Variants in IMPG1 observed in about 807,000 individuals in gnomAD.
The protein encoded by IMPG1 is interphotoreceptor matrix proteoglycan 1.
In IMPG1, 85 loss-of-function variants were observed where a neutral mutation model predicts 92.0. The ratio of observed to expected loss-of-function variants is 0.92; its 90% CI spans 0.78 to 1.11. The LOEUF is 1.11. Ranked by LOEUF, IMPG1 falls within the 50% of genes least tolerant of loss-of-function variation. The pLI is 0.00. For synonymous variants in IMPG1, 367 were observed against 334.1 expected, an observed-to-expected ratio of 1.10 and a Z score of -1.08; for missense variants, 1,022 against 956.0, an observed-to-expected ratio of 1.07 and a Z score of -0.91.
intron 12 of IMPG1, among the ~76,000 whole-genome samples, chr6:75,996,748 G>T (rs1290914599): frequency 1.3e-5 from 2 of 152,112 alleles, no homozygotes; most frequent in Non-Finnish European, 2.9e-5. Flanking sequence ...TTGGTGACTG[G>T]GTGGTGCTGC....
At chr6:76,064,611 G>A (rs980446150) in intron 1 of IMPG1, among the ~76,000 whole-genome samples, 1 of 152,082 alleles carries the variant, frequency 6.6e-6, no homozygotes, top group Non-Finnish European at 1.5e-5. Flanking sequence ...CCTGCCATTG[G>A]GGTATCCAAG....
chr6:76,018,457 A>C (rs980913704), intron 7 of IMPG1, among the ~76,000 whole-genome samples: 3 of 152,232 alleles, frequency 2.0e-5, no homozygotes, highest in African/African-American at 7.2e-5. Flanking sequence ...TATGGTTGAC[A>C]GGGTAACCGA....
chr6:76,020,892 G>A (rs991561180), intron 6 of IMPG1, among the ~76,000 whole-genome samples: 2 of 152,142 alleles, frequency 1.3e-5, no homozygotes, highest in Non-Finnish European at 2.9e-5. Context: ...AAATCAACTT[G>A]TTTTTACTCC....
chr6:76,063,582 A>G (rs1784246945), intron 1 of IMPG1, among the ~76,000 whole-genome samples: 1 of 152,182 alleles, frequency 6.6e-6, no homozygotes, highest in African/African-American at 2.4e-5. Flanking sequence ...GTATACCAGC[A>G]TGTACAGGGT....
At chr6:75,990,706 A>G (rs868697023) in intron 12 of IMPG1, among the ~76,000 whole-genome samples, 2 of 152,216 alleles carry the variant, frequency 1.3e-5, no homozygotes, top group Middle Eastern at 6.8e-3. Context: ...GTGCATAACA[A>G]TTCCAGAAGG....
chr6:76,018,216 A>G (rs1032379626), intron 7 of IMPG1, among the ~76,000 whole-genome samples: 4 of 152,212 alleles, frequency 2.6e-5, no homozygotes, highest in African/African-American at 9.6e-5. Flanking sequence ...TTTAATTTAT[A>G]AATTAGGCAC....
chr6:75,939,638 T>A (rs916671545), intron 14 of IMPG1, among the ~76,000 whole-genome samples: 2 of 152,216 alleles, frequency 1.3e-5, no homozygotes, highest in Non-Finnish European at 2.9e-5. Context: ...CTTACAGCAG[T>A]TAGTTAAAAG....
chr6:75,941,215 C>T (rs1269951188), intron 14 of IMPG1, among the ~76,000 whole-genome samples: 2 of 152,090 alleles, frequency 1.3e-5, no homozygotes, highest in Non-Finnish European at 2.9e-5. Context: ...GAACAGGTAC[C>T]CAAATCATGA....
chr6:76,010,870 A>G (rs1783171414), intron 8 of IMPG1, among the ~76,000 whole-genome samples: 1 of 152,216 alleles, frequency 6.6e-6, no homozygotes, highest in Non-Finnish European at 1.5e-5. Flanking sequence ...GTATTTTCCT[A>G]AGAAGCTCAT....
chr6:76,016,030 T>G (rs1043373716), intron 7 of IMPG1, among the ~76,000 whole-genome samples: 5 of 152,064 alleles, frequency 3.3e-5, no homozygotes, highest in African/African-American at 1.2e-4. Flanking sequence ...CAGTTACCTC[T>G]TACAAAAAGA....
intron 12 of IMPG1, among the ~76,000 whole-genome samples, chr6:75,961,296 C>A (rs539580053): frequency 6.6e-6 from 1 of 152,276 alleles, no homozygotes; most frequent in East Asian, 1.9e-4. Context: ...GCATGACCAG[C>A]AAATTCTTAA....
intron 1 of IMPG1, among the ~76,000 whole-genome samples, chr6:76,064,529 C>G (rs1028324492): frequency 6.6e-6 from 1 of 152,084 alleles, no homozygotes; most frequent in Non-Finnish European, 1.5e-5. Context: ...GTAGCTCCCT[C>G]TCCTCACTGG....
At chr6:75,935,991 G>C (rs182289379) in intron 14 of IMPG1, among the ~76,000 whole-genome samples, 77 of 152,310 alleles carry the variant, frequency 5.1e-4, no homozygotes, top group African/African-American at 1.8e-3. Flanking sequence ...GTTCATCTGA[G>C]ATGTTACACA....
chr6:75,965,933 G>GT (rs1288821968), intron 12 of IMPG1, among the ~76,000 whole-genome samples: 1 of 152,056 alleles, frequency 6.6e-6, no homozygotes, highest in African/African-American at 2.4e-5. Flanking sequence ...CCAGATATAT[G>GT]TTTGCAAAGA....
chr6:75,925,405 C>G (rs1473226026), intron 15 of IMPG1, among the ~76,000 whole-genome samples: 1 of 151,872 alleles, frequency 6.6e-6, no homozygotes, highest in Non-Finnish European at 1.5e-5. Context: ...TATATATTCC[C>G]TTATTCAACT....
chr6:76,043,067 A>G (rs1033322831), intron 1 of IMPG1, among the ~76,000 whole-genome samples: 15 of 152,246 alleles, frequency 9.9e-5, no homozygotes, highest in African/African-American at 3.4e-4. Context: ...TGTGAAAGAA[A>G]GACCTAGTTT....
At chr6:75,948,423 C>T (rs765954728) in intron 13 of IMPG1, among the ~76,000 whole-genome samples, 16 of 152,136 alleles carry the variant, frequency 1.1e-4, no homozygotes, top group Non-Finnish European at 1.8e-4. Flanking sequence ...GATGCAAGCG[C>T]CGACCTCCTA....
At chr6:76,047,420 G>A (rs1582128628) in intron 1 of IMPG1, among the ~76,000 whole-genome samples, 1 of 152,278 alleles carries the variant, frequency 6.6e-6, no homozygotes, top group East Asian at 1.9e-4. Context: ...TGATTCACCT[G>A]TATTCACTAA....
intron 12 of IMPG1, among the ~76,000 whole-genome samples, chr6:75,953,250 G>T (rs1782064731): frequency 6.6e-6 from 1 of 152,042 alleles, no homozygotes; most frequent in African/African-American, 2.4e-5. Context: ...ATAAATTTCT[G>T]GCCATTTCCC....
Sources: allele counts gnomAD v4.1 joint callset (sites outside exome capture counted in the v4.1 genomes callset), GRCh38; gene constraint gnomAD v4.1.1; transcripts MANE v1.5; gene names NCBI Gene and HGNC (gene_info 2026-07-23, HGNC 2026-07-21).